Variants in SNX25 observed in about 807,000 individuals in gnomAD.
SNX25 encodes sorting nexin-25.
In SNX25, 62 loss-of-function variants were observed where a neutral mutation model predicts 113.7. The ratio of observed to expected loss-of-function variants is 0.55; its 90% CI spans 0.44 to 0.67. SNX25 has a LOEUF of 0.67. Ranked by LOEUF, SNX25 falls within the 30% of genes least tolerant of loss-of-function variation. SNX25 has a pLI of 0.00. For missense variants in SNX25, 1,014 were observed against 1,161.0 expected (o/e 0.87, Z 1.84); for synonymous variants, 421 against 436.2 (o/e 0.97, Z 0.43).
At chr4:185,276,837 A>G (rs949491491) in intron 5 of SNX25, among the ~76,000 whole-genome samples, 3 of 151,874 alleles carry the variant, frequency 2.0e-5, no homozygotes, top group African/African-American at 7.3e-5. Context: ...GAGAACACAC[A>G]CCCTTAAGAG....
exon 12 of SNX25, chr4:185,369,991 G>C (rs1242839227): frequency 4.7e-6 from 1 of 212,676 alleles, no homozygotes; most frequent in Non-Finnish European, 9.7e-6. Context: ...ATTCTGACTC[G>C]TGGATGTGAT....
At chr4:185,362,508 T>C in intron 17 of SNX25, 103 bp from the exon 18 acceptor site, 1 of 1,222,200 alleles carries the variant, frequency 8.2e-7, no homozygotes. Context: ...TGCCTCCATG[T>C]GTTTATTGAC....
At chr4:185,347,458 CTTTTG>C (rs528383809) in intron 13 of SNX25, among the ~76,000 whole-genome samples, 291 of 150,914 alleles carry the variant, frequency 1.9e-3, no homozygotes, top group African/African-American at 6.5e-3. Context: ...TTTTTGTTTT[CTTTTG>C]TTTTGTTTTG....
chr4:185,224,754 G>A (rs1435334031), intron 1 of SNX25, among the ~76,000 whole-genome samples: 1 of 151,376 alleles, frequency 6.6e-6, no homozygotes, highest in Non-Finnish European at 1.5e-5. Context: ...TTTGAAGCCT[G>A]TGTTATCCCA....
the SNX25 span, chr4:185,377,239 C>T: frequency 2.7e-5 from 13 of 480,480 alleles, no homozygotes; most frequent in East Asian, 6.8e-5. Context: ...CAATACTGGC[C>T]GGGCGCGGTG....
intron 6 of SNX25, among the ~76,000 whole-genome samples, chr4:185,291,630 C>T (rs975646722): frequency 1.3e-5 from 2 of 152,204 alleles, no homozygotes; most frequent in African/African-American, 4.8e-5. Flanking sequence ...GAGCCTCTTC[C>T]ATGTCTGTGC....
At chr4:185,212,553 T>A (rs1417420860) in intron 1 of SNX25, among the ~76,000 whole-genome samples, 1 of 145,730 alleles carries the variant, frequency 6.9e-6, no homozygotes, top group Non-Finnish European at 1.5e-5. Context: ...CACGCCTGGC[T>A]AAGTTTTTGT....
At chr4:185,212,491 G>GTGTGTTTTTGTTTT (rs546083196) in intron 1 of SNX25, among the ~76,000 whole-genome samples, 3 of 104,940 alleles carry the variant, frequency 2.9e-5, no homozygotes, top group South Asian at 3.1e-4. Context: ...GTGTGTGTGT[G>GTGTGTTTTTGTTTT]TTTTTTTTTT....
intron 6 of SNX25, among the ~76,000 whole-genome samples, chr4:185,292,416 C>T (rs931631526): frequency 3.3e-5 from 5 of 152,066 alleles, no homozygotes; most frequent in Non-Finnish European, 7.4e-5. Context: ...TTGTTTGTTT[C>T]AGACAGAGTT....
At position 185,231,167 on chromosome 4, in the gene SNX25, C is replaced by T. The variant is rs985277714; in HGVS notation, c.430-16127C>T. On this transcript the variant is annotated intron_variant, in intron 1 of 18. Coordinates refer to ENST00000652585, the MANE Select transcript of SNX25 (RefSeq NM_001378034.2). Reference sequence around the variant, plus strand: ...AGGCTGGAGTGCAGTGGCATGATCTCGGCTCACTGCAAGCTCTGCTTCCTG... The same window carrying T: ...AGGCTGGAGTGCAGTGGCATGATCTTGGCTCACTGCAAGCTCTGCTTCCTG... Among the ~76,000 whole-genome samples, 11 of 150,560 alleles carry T rather than the reference C, an allele frequency of 7.3e-5. No homozygotes were observed. The East Asian group carries it at 8.0e-4, about 11-fold the overall frequency.
chr4:185,291,593 G>A (rs1411583555), intron 6 of SNX25, among the ~76,000 whole-genome samples: 1 of 152,182 alleles, frequency 6.6e-6, no homozygotes, highest in African/African-American at 2.4e-5. Flanking sequence ...CTTTGGCAGG[G>A]CCACGCTGCT....
intron 1 of SNX25, among the ~76,000 whole-genome samples, chr4:185,223,824 A>G (rs946905043): frequency 4.6e-5 from 7 of 151,990 alleles, no homozygotes; most frequent in African/African-American, 1.7e-4. Context: ...ACCTAGATCC[A>G]TTAATTTATT....
At chr4:185,332,383 A>G (rs2095201664) in intron 9 of SNX25, among the ~76,000 whole-genome samples, 2 of 152,174 alleles carry the variant, frequency 1.3e-5, no homozygotes, top group African/African-American at 4.8e-5. Flanking sequence ...TTTAAGCTAT[A>G]AAATGTTTCC....
intron 6 of SNX25, among the ~76,000 whole-genome samples, chr4:185,298,255 AT>A (rs1469063365): frequency 5.3e-5 from 8 of 151,716 alleles, no homozygotes; most frequent in African/African-American, 1.9e-4. Flanking sequence ...CACCGGGCTA[AT>A]TTTTGTATTT....
intron 3 of SNX25, among the ~76,000 whole-genome samples, chr4:185,262,843 C>T (rs1747517953): frequency 6.6e-6 from 1 of 152,216 alleles, no homozygotes; most frequent in African/African-American, 2.4e-5. Context: ...GCTGCAAAGA[C>T]TGATGCTACA....
rs754042569 is a variant in SNX25 at position 185,332,677 on chromosome 4, A to G, written c.1832A>G (p.Lys611Arg). The G allele has an allele frequency of 2.4e-5, 39 of 1,614,036 alleles. No individual in the cohort carries two copies. Among genetic ancestry groups the G allele is most frequent in the East Asian group, 6.7e-5 (3 of 44,890 alleles). ...GAACAAGCCAGTTTTGCTGTAAACAAACTGCGAGAACTAAATGAGAAACTT... is the reference window on the plus strand; with the variant it reads ...GAACAAGCCAGTTTTGCTGTAAACAGACTGCGAGAACTAAATGAGAAACTT... The part of the protein sequence containing the change: ...INEQASFAVN[K>R]LRELNEKLEY... The change falls in exon 10 of 19, where the codon AAA becomes AGA. Residue 611 changes from lysine (K) to arginine (R), a missense_variant. Coordinates refer to ENST00000652585, the MANE Select transcript of SNX25 (RefSeq NM_001378034.2).
intron 1 of SNX25, among the ~76,000 whole-genome samples, chr4:185,214,882 T>A (rs546260678): frequency 6.6e-6 from 1 of 152,164 alleles, no homozygotes; most frequent in East Asian, 1.9e-4. Context: ...GGTCTGAAAT[T>A]TCAAGCACAG....
chr4:185,303,679 AAAGC>A (rs1447769656), intron 6 of SNX25, among the ~76,000 whole-genome samples: 1 of 151,292 alleles, frequency 6.6e-6, no homozygotes, highest in Non-Finnish European at 1.5e-5. Context: ...AAAAAAAAAA[AAAGC>A]AAGGCAGGGC....
At chr4:185,360,930 A>AATATATATAT (rs3047488) in intron 16 of SNX25, among the ~76,000 whole-genome samples, 34 of 139,624 alleles carry the variant, frequency 2.4e-4, no homozygotes, top group African/African-American at 8.2e-4. Flanking sequence ...AAAAAAAAAT[A>AATATATATAT]ATATATATAT....
Sources: gnomAD v4.1 joint callset for allele counts (sites outside exome capture counted in the v4.1 genomes callset) on GRCh38, gnomAD v4.1.1 for gene constraint, MANE v1.5 for transcripts, NCBI Gene and HGNC (gene_info 2026-07-23, HGNC 2026-07-21) for gene names.